SLC22A4: variants seen among roughly 807,000 people sequenced by gnomAD.
SLC22A4 encodes ET transporter.
Under a neutral mutation model 56.6 loss-of-function variants are expected in SLC22A4, and 39 were observed. That is an observed-to-expected ratio of 0.69 (90% confidence interval 0.53 to 0.90). The LOEUF is 0.90. Among genes scored for constraint, SLC22A4 ranks in the 40% least tolerant of loss-of-function variants. The probability of loss-of-function intolerance (pLI) is 0.00; values close to 1 mark genes in which losing one functional copy is unlikely to be tolerated. For synonymous variants in SLC22A4, 241 were observed against 281.4 expected, an observed-to-expected ratio of 0.86 and a Z score of 1.44; for missense variants, 594 against 696.5, an observed-to-expected ratio of 0.85 and a Z score of 1.66.
rs755438066 is a variant in SLC22A4 at position 132,294,671 on chromosome 5, C to G, written c.55C>G (p.Arg19Gly). 1 of 1,614,200 alleles carries G rather than the reference C, an allele frequency of 6.2e-7. No homozygotes were observed. Among genetic ancestry groups the G allele is most frequent in the South Asian group, 1.1e-5 (1 of 91,088 alleles). The change falls in exon 1 of 10, where the codon CGC becomes GGC. Residue 19 changes from arginine (R) to glycine (G), a missense_variant. Coordinates refer to ENST00000200652, the MANE Select transcript of SLC22A4 (RefSeq NM_003059.3). This position sits in a 1 kb window ranked among gnomAD's most constrained non-coding sequence, Gnocchi z 5.6. ...AFLGEWGPFQ[R>G]LIFFLLSASI... ...CCTGGGCGAGTGGGGGCCCTTCCAG[C>G]GCCTCATCTTCTTCCTGCTCAGCGC...
At chr5:132,320,554 T>C (rs1750501690) in intron 3 of SLC22A4, among the ~76,000 whole-genome samples, 1 of 152,170 alleles carries the variant, frequency 6.6e-6, no homozygotes, top group African/African-American at 2.4e-5. Flanking sequence ...AGGGCAATTG[T>C]CTCCAACATG....
rs574458050 is a variant in SLC22A4, at chr5:132,323,247, G to C, written c.824+892G>C. On this transcript the variant is annotated intron_variant, in intron 4 of 9. Transcript: ENST00000200652. ...TTCTACCTGCTTACACATAACACAAGCTTCTTTGACCATTTTTTGGAACTC... is the reference window on the plus strand; with the variant it reads ...TTCTACCTGCTTACACATAACACAACCTTCTTTGACCATTTTTTGGAACTC... 6.6e-5 allele frequency among the ~76,000 whole-genome samples: 10 copies of C among 152,258 alleles called. No individual in the cohort carries two copies. In the South Asian group the frequency reaches 2.1e-3, roughly 32 times the overall value.
chr5:132,321,987 A>G (rs1189170978), intron 3 of SLC22A4, among the ~76,000 whole-genome samples, 197 bp from the exon 4 acceptor site: 1 of 152,136 alleles, frequency 6.6e-6, no homozygotes, highest in African/African-American at 2.4e-5. Context: ...ATAGAAATTC[A>G]ACCTTCTATA....
At chr5:132,312,557 T>A (rs1750212828) in intron 2 of SLC22A4, among the ~76,000 whole-genome samples, 2 of 152,114 alleles carry the variant, frequency 1.3e-5, no homozygotes, top group Non-Finnish European at 2.9e-5. Flanking sequence ...ACAGACTCCT[T>A]GACAAAACAT....
intron 1 of SLC22A4, chr5:132,295,682 C>G (rs970684835): frequency 5.0e-6 from 1 of 199,004 alleles, no homozygotes; most frequent in African/African-American, 2.3e-5. Flanking sequence ...GGCAGGTTTT[C>G]TAAGTTCCAG....
chr5:132,325,038 G>GT (rs1750651281), intron 4 of SLC22A4, among the ~76,000 whole-genome samples: 1 of 152,176 alleles, frequency 6.6e-6, no homozygotes, highest in South Asian at 2.1e-4. Flanking sequence ...TGTGAATGGA[G>GT]TATGTGTATA....
At position 132,315,175 on chromosome 5, in the gene SLC22A4, T is replaced by C. The variant is rs747133876; in HGVS notation, c.652+1407T>C. Among the ~76,000 whole-genome samples, 15 of 152,238 alleles carry C rather than the reference T, an allele frequency of 9.9e-5. No homozygotes were observed. The Middle Eastern group carries it at 0.024, about 242-fold the overall frequency. ...CAAAGTCCCCAGAATCCATCTTCCA[T>C]GTGACGATCCTCCCTAAGCCTGAAA... is the stretch of plus-strand genomic sequence containing the variant. On this transcript the variant is annotated intron_variant, in intron 3 of 9. Coordinates refer to ENST00000200652, the MANE Select transcript of SLC22A4 (RefSeq NM_003059.3).
intron 1 of SLC22A4, among the ~76,000 whole-genome samples, chr5:132,300,263 AT>A (rs1226007767): frequency 6.6e-6 from 1 of 152,128 alleles, no homozygotes; most frequent in Non-Finnish European, 1.5e-5. Context: ...AACCTTGATC[AT>A]TTGTCAAGTT....
chr5:132,322,387 T>C, intron 4 of SLC22A4, 32 bp downstream of exon 4: 1 of 1,607,662 alleles, frequency 6.2e-7, no homozygotes, highest in South Asian at 1.1e-5. Context: ...ACAGGCCCTC[T>C]GCTGCGGGTC....
chr5:132,341,273 C>T (rs1013978646), intron 9 of SLC22A4, among the ~76,000 whole-genome samples: 5 of 151,954 alleles, frequency 3.3e-5, no homozygotes, highest in Admixed American at 2.0e-4. Flanking sequence ...CAAAAATTAG[C>T]TGGGCATGGT....
At chr5:132,324,710 A>G in intron 4 of SLC22A4, 2 of 403,194 alleles carry the variant, frequency 5.0e-6, no homozygotes, top group South Asian at 1.9e-5. Flanking sequence ...TAGAGCTGAC[A>G]TGGACCCTGC....
At chr5:132,320,877 T>C (rs901673417) in intron 3 of SLC22A4, 1 of 152,240 alleles carries the variant, frequency 6.6e-6, no homozygotes, top group African/African-American at 2.4e-5. Flanking sequence ...CACTTCTCTA[T>C]AGCATGGGCA....
rs182253676 is a variant in SLC22A4, at chr5:132,330,510, G to A, written c.952-1246G>A. ...GGAAGCTGAGGTGGATGGATCACCT[G>A]AAGTCAGGAGTTTGAGACCAGCCTG... On this transcript the variant is annotated intron_variant, in intron 5 of 9. Transcript: ENST00000200652. Among the ~76,000 whole-genome samples the A allele has an allele frequency of 2.8e-3, 426 of 152,336 alleles. 1 individual carries two copies. The highest frequency in any genetic ancestry group is 9.8e-3 in the African/African-American group (407 of 41,576).
chr5:132,344,071 G>T lies in SLC22A4; in HGVS notation c.*236G>T. ...ACTCATTAATTCAATGAAATGGATTGGTAAGATGTCTTGAAAACATGTTAG... is the reference window on the plus strand; with the variant it reads ...ACTCATTAATTCAATGAAATGGATTTGTAAGATGTCTTGAAAACATGTTAG... On this transcript the variant is annotated 3_prime_UTR_variant, in exon 10 of 10. Coordinates refer to ENST00000200652, the MANE Select transcript of SLC22A4 (RefSeq NM_003059.3). 1 of 476,612 alleles carries T rather than the reference G, an allele frequency of 2.1e-6. No individual in the cohort carries two copies. The highest frequency in any genetic ancestry group is 3.7e-6 in the Non-Finnish European group (1 of 268,836). The allele number at this position is 476,612 out of a possible 1,614,324, so 29.5% of individuals were successfully genotyped here. A position where few individuals can be genotyped will look rare whatever the true frequency, so the allele number is the denominator to read the frequency against.
At chr5:132,322,633 G>A (rs919215329) in intron 4 of SLC22A4, among the ~76,000 whole-genome samples, 5 of 152,120 alleles carry the variant, frequency 3.3e-5, no homozygotes, top group Non-Finnish European at 5.9e-5. Flanking sequence ...TGGAGCTGGT[G>A]GTGTTGGATT....
At chr5:132,332,730 GCACACACACA>G (rs3840351) in intron 6 of SLC22A4, among the ~76,000 whole-genome samples, 8 of 145,654 alleles carry the variant, frequency 5.5e-5, no homozygotes, top group African/African-American at 1.3e-4. Flanking sequence ...TATGATGGCA[GCACACACACA>G]CACACACACA....
intron 1 of SLC22A4, chr5:132,295,663 G>A (rs993275712): frequency 9.8e-6 from 2 of 203,366 alleles, no homozygotes; most frequent in South Asian, 7.3e-5. Context: ...AGCACCCTGC[G>A]TGGTTAGTGG....
chr5:132,300,108 G>C (rs1335821052), intron 1 of SLC22A4, among the ~76,000 whole-genome samples: 1 of 152,142 alleles, frequency 6.6e-6, no homozygotes, highest in Admixed American at 6.5e-5. Context: ...TTTGATGAAT[G>C]CTCCTCAGTT....
chr5:132,297,711 G>A (rs939004196), intron 1 of SLC22A4, among the ~76,000 whole-genome samples: 2 of 151,804 alleles, frequency 1.3e-5, no homozygotes, highest in Non-Finnish European at 1.5e-5. Flanking sequence ...TTGGGAGGCC[G>A]AGGCAGGAGG....
Sources: gnomAD v4.1 joint callset for allele counts (sites outside exome capture counted in the v4.1 genomes callset) on GRCh38, gnomAD v4.1.1 for gene constraint, Gnocchi (gnomAD v3.1) non-coding constraint, MANE v1.5 for transcripts, NCBI Gene and HGNC (gene_info 2026-07-23, HGNC 2026-07-21) for gene names.